PCDH20: variants seen among roughly 807,000 people sequenced by gnomAD.
PCDH20 encodes the protein protocadherin-20.
PCDH20 carries 18 observed loss-of-function variants against 39.7 expected under a neutral mutation model. The observed-to-expected ratio is 0.45, with a 90% CI of 0.31 to 0.67. The LOEUF (loss-of-function observed/expected upper bound fraction) is 0.67. Among genes scored for constraint, PCDH20 ranks in the 30% least tolerant of loss-of-function variants. The pLI is 0.05. For synonymous variants in PCDH20, 495 were observed against 455.4 expected (o/e 1.09, Z -1.11); for missense variants, 1,161 against 1,167.4 (o/e 0.99, Z 0.08).
At chr13:61,414,632 T>A (rs1871495019) in intron 1 of PCDH20, among the ~76,000 whole-genome samples, 1 of 152,126 alleles carries the variant, frequency 6.6e-6, no homozygotes, top group Admixed American at 6.5e-5. Context: ...TACCAAGCAG[T>A]CACTAATCCC....
At position 61,411,104 on chromosome 13, in the gene PCDH20, T is replaced by C. The variant is rs1332320739; in HGVS notation, c.*139A>G. 9 of 745,364 alleles carry C rather than the reference T, an allele frequency of 1.2e-5. No individual in the cohort carries two copies. The East Asian group carries it at 2.5e-4, about 20-fold the overall frequency. 46.2% of individuals were successfully genotyped at this position (745,364 alleles called of 1,614,324 possible). On this transcript the variant is annotated 3_prime_UTR_variant, in exon 2 of 2. Coordinates refer to ENST00000409204, the Ensembl canonical transcript of PCDH20. ...ACCTCTGAATTTAAATTTAAAAACC[T>C]GTAAACAGCTATTTACAATATAGAA...
exon 2 of PCDH20, chr13:61,412,627 G>A: frequency 6.2e-7 from 1 of 1,614,042 alleles, no homozygotes; most frequent in Non-Finnish European, 8.5e-7. Flanking sequence ...AGGTTTTGTG[G>A]TCTCTAGTAA....
intron 1 of PCDH20, 22 bp downstream of exon 1, chr13:61,415,005 G>A: frequency 1.4e-6 from 2 of 1,404,176 alleles, no homozygotes; most frequent in African/African-American, 1.5e-5. Flanking sequence ...GGGTCGCGGG[G>A]TTCCTTGACC....
exon 2 of PCDH20, chr13:61,410,232 G>A (rs147386941): frequency 4.7e-4 from 71 of 152,038 alleles, no homozygotes; most frequent in African/African-American, 1.5e-3. Flanking sequence ...CATATAAAAG[G>A]CCCAACTAAA....
Position 61,414,326 on chromosome 13 carries a change from A to G in PCDH20, c.133-360T>C, listed in dbSNP as rs994973266. Reference sequence around the variant, plus strand: ...TCAGAGACTGCGCAAAGCGACACGGAAACCCAGGGTAGGTGATGGGGAGGG... The same window carrying G: ...TCAGAGACTGCGCAAAGCGACACGGGAACCCAGGGTAGGTGATGGGGAGGG... On this transcript the variant is annotated intron_variant, in intron 1 of 1. Transcript: ENST00000409204. Among the ~76,000 whole-genome samples, 5 of 152,102 alleles carry G rather than the reference A, an allele frequency of 3.3e-5. No homozygotes were observed. The South Asian group carries it at 6.2e-4, about 19-fold the overall frequency.
chr13:61,415,072 C>A (rs768987097), exon 1 of PCDH20: 1 of 1,578,900 alleles, frequency 6.3e-7, no homozygotes, highest in Admixed American at 1.8e-5. Flanking sequence ...GATGTAGACG[C>A]CCCATATCCA....
exon 2 of PCDH20, chr13:61,412,556 A>C (rs913864855): frequency 2.5e-6 from 4 of 1,614,112 alleles, no homozygotes; most frequent in Non-Finnish European, 2.5e-6. Context: ...TTGACATGAA[A>C]TCCCTCAGAG....
At chr13:61,411,819 T>G in exon 2 of PCDH20, 1 of 1,614,164 alleles carries the variant, frequency 6.2e-7, no homozygotes, top group Non-Finnish European at 8.5e-7. Context: ...CCGGGGAGCC[T>G]GGCAGAGTAG....
At chr13:61,415,751 T>C (rs1871535583), upstream of PCDH20, 1 of 152,128 alleles carries the variant, frequency 6.6e-6, no homozygotes, top group East Asian at 1.9e-4. Flanking sequence ...ATGAATTCAG[T>C]GAAGGTTTCG....
At position 61,411,530 on chromosome 13, in the gene PCDH20, A is replaced by G. The variant is rs757090205; in HGVS notation, c.2569T>C (p.Leu857=). 5 of 1,614,152 alleles carry G rather than the reference A, an allele frequency of 3.1e-6. No homozygotes were observed. In the Admixed American group the frequency reaches 8.3e-5, roughly 27 times the overall value. Residue 857 remains leucine (L), a synonymous_variant, in exon 2 of 2, where the codon TTA becomes CTA. Coordinates refer to ENST00000409204, the Ensembl canonical transcript of PCDH20. ...ATATTAATCTCTGGTTCTTTTCTTA[A>G]AAGACTCTCAATGTAACTCTCATTA...
At chr13:61,411,280 A>G (rs1360666196) in exon 2 of PCDH20, 9 of 1,613,928 alleles carry the variant, frequency 5.6e-6, no homozygotes, top group African/African-American at 1.3e-5. Flanking sequence ...TCTCTCTCGC[A>G]TATGCAAGTC....
At position 61,412,934 on chromosome 13, in the gene PCDH20, T is replaced by C. The variant is rs1871433214; in HGVS notation, c.1165A>G (p.Ser389Gly). The C allele has an allele frequency of 3.1e-6, 5 of 1,614,138 alleles. No individual in the cohort carries two copies. The South Asian group carries it at 4.4e-5, about 14-fold the overall frequency. Reference sequence around the variant, plus strand: ...GTGAGCTTGTGGGACTCCAGAACACTTCCTCCAATCTTACTGAAAAGTTTA... The same window carrying C: ...GTGAGCTTGTGGGACTCCAGAACACCTCCTCCAATCTTACTGAAAAGTTTA... The change falls in exon 2 of 2, where the codon AGT (serine) becomes GGT (glycine). Residue 389 changes from serine to glycine, a missense_variant. Physicochemically the swap from Ser to Gly is moderately conservative, Grantham distance 56. This residue lies in a region of PCDH20 where 754 missense variants were observed against 777.5 expected (regional missense o/e 0.97). Transcript: ENST00000409204.
chr13:61,413,820 G>A, exon 2 of PCDH20: 23 of 1,612,950 alleles, frequency 1.4e-5, no homozygotes, highest in Non-Finnish European at 1.8e-5. Context: ...CTGCAGACCT[G>A]GGCAGCAGCC....
At chr13:61,412,033 G>C in exon 2 of PCDH20, 2 of 1,614,078 alleles carry the variant, frequency 1.2e-6, no homozygotes, top group Non-Finnish European at 1.7e-6. Context: ...ACCCTTTCCT[G>C]TATCTATGAC....
exon 2 of PCDH20, chr13:61,412,933 C>A: frequency 6.2e-7 from 1 of 1,614,178 alleles, no homozygotes; most frequent in Non-Finnish European, 8.5e-7. Flanking sequence ...CTCCAGAACA[C>A]TTCCTCCAAT....
At chr13:61,415,406 C>A (rs1031269498) in exon 1 of PCDH20, 10 of 394,434 alleles carry the variant, frequency 2.5e-5, no homozygotes, top group Admixed American at 4.7e-5. Context: ...CTGAAGACTG[C>A]GAAGAGGCAG....
exon 2 of PCDH20, chr13:61,412,428 C>T (rs1473964528): frequency 1.9e-6 from 3 of 1,614,024 alleles, no homozygotes; most frequent in South Asian, 1.1e-5. Context: ...CTGTAGCATA[C>T]AGCTTAGTCA....
At chr13:61,415,043 C>T (rs1871514830) in exon 1 of PCDH20, 1 of 1,519,294 alleles carries the variant, frequency 6.6e-7, no homozygotes, top group Non-Finnish European at 8.9e-7. Flanking sequence ...GTTCCTGTAG[C>T]TGGTGCTGCT....
Position 61,413,478 on chromosome 13 carries a change from C to A in PCDH20, c.621G>T (p.Pro207=), listed in dbSNP as rs551169845. ...CCGAGATCTGGGAAACAGGGAACTG[C>A]GGGGCGTTGTCATTGATGTCTCTGA... is the stretch of plus-strand genomic sequence containing the variant. The change falls in exon 2 of 2, where the codon CCG becomes CCT. Residue 207 remains proline, a synonymous_variant. Transcript: ENST00000409204. 9.2e-5 allele frequency: 148 copies of A among 1,613,810 alleles called. 3 individuals carry two copies. The South Asian group carries it at 1.6e-3, about 17-fold the overall frequency.
Sources: allele counts gnomAD v4.1 joint callset (sites outside exome capture counted in the v4.1 genomes callset), GRCh38; gene constraint gnomAD v4.1.1; regional missense constraint gnomAD v4.1.1; transcripts MANE v1.5; gene names NCBI Gene and HGNC (gene_info 2026-07-23, HGNC 2026-07-21).